The following LTV1 variants were observed in gnomAD, a reference collection of about 807,000 sequenced individuals.
LTV1 encodes the protein LTV1 ribosome biogenesis factor.
LTV1 carries 39 observed loss-of-function variants against 59.9 expected under a neutral mutation model. The observed-to-expected ratio is 0.65, with a 90% CI of 0.50 to 0.85. The LOEUF (loss-of-function observed/expected upper bound fraction) is 0.85. Among genes scored for constraint, LTV1 ranks in the 40% least tolerant of loss-of-function variants. The pLI, the probability that LTV1 is intolerant of heterozygous loss-of-function variation, is 0.00. For missense variants in LTV1, 493 were observed against 549.1 expected (o/e 0.90, Z 1.02); for synonymous variants, 171 against 189.5 (o/e 0.90, Z 0.80).
intron 3 of LTV1, among the ~76,000 whole-genome samples, chr6:143,848,891 G>A (rs1392325245): frequency 6.6e-6 from 1 of 152,180 alleles, no homozygotes; most frequent in Non-Finnish European, 1.5e-5. Context: ...GTGGTTCCGT[G>A]TCAGGCACAT....
chr6:143,845,056 A>C (rs1776868538), intron 2 of LTV1, among the ~76,000 whole-genome samples: 1 of 152,160 alleles, frequency 6.6e-6, no homozygotes, highest in Non-Finnish European at 1.5e-5. Flanking sequence ...TATATGCTCA[A>C]ACTGTGCTTT....
rs774113447 is a variant in LTV1 at position 143,857,802 on chromosome 6, A to C, written c.590A>C (p.Lys197Thr). 4.3e-6 allele frequency: 7 copies of C among 1,613,992 alleles called. No individual in the cohort carries two copies. The East Asian group carries it at 1.6e-4, about 36-fold the overall frequency. Residue 197 changes from lysine to threonine, a missense_variant, in exon 6 of 11, where the codon AAG becomes ACG. Coordinates refer to ENST00000367576, the MANE Select transcript of LTV1 (RefSeq NM_032860.5). The surrounding 1 kb of genome is among the most constrained non-coding windows in gnomAD (Gnocchi z 5.2). ...GAGTGGGAAGATGTGGATGATGAGA[A>C]GGGAGATAGCAATGATGACTATGAC... ...DSEWEDVDDE[K>T]GDSNDDYDSA...
Position 143,844,471 on chromosome 6 carries a change from T to G in LTV1, c.4-15T>G. 6.2e-7 allele frequency: 1 copy of G among 1,612,682 alleles called. No individual in the cohort carries two copies. The highest frequency in any genetic ancestry group is 8.5e-7 in the Non-Finnish European group (1 of 1,179,284). On this transcript the variant is annotated splice_polypyrimidine_tract_variant and intron_variant, in intron 1 of 10. Transcript: ENST00000367576. ...TTCTGTTTTAATTAATTGTTGTGAT[T>G]TTGTTCCTTTGAAGCCTCACAGGAA...
At chr6:143,843,882 G>A (rs191182312) in intron 1 of LTV1, among the ~76,000 whole-genome samples, 31 of 152,336 alleles carry the variant, frequency 2.0e-4, no homozygotes, top group Admixed American at 5.2e-4. Flanking sequence ...TCTGAGAAAG[G>A]GAACTTGTGG....
chr6:143,862,838 G>C lies in LTV1; in HGVS notation c.1064-6G>C, dbSNP rs375129955. On this transcript the variant is annotated splice_polypyrimidine_tract_variant and splice_region_variant and intron_variant, in intron 8 of 10. Transcript: ENST00000367576. The surrounding 1 kb of genome is among the most constrained non-coding windows in gnomAD (Gnocchi z 4.2). ...ACTGATACATGACTTTTATTTGTTTGTTTAGGTACATACTCAAATTTATAT... is the reference window on the plus strand; with the variant it reads ...ACTGATACATGACTTTTATTTGTTTCTTTAGGTACATACTCAAATTTATAT... 2.6e-6 allele frequency: 4 copies of C among 1,535,344 alleles called. No individual in the cohort carries two copies. Among genetic ancestry groups the C allele is most frequent in the Non-Finnish European group, 1.8e-6 (2 of 1,108,788 alleles).
At chr6:143,848,110 T>A (rs1776922766) in intron 3 of LTV1, among the ~76,000 whole-genome samples, 1 of 152,210 alleles carries the variant, frequency 6.6e-6, no homozygotes, top group Admixed American at 6.5e-5. Flanking sequence ...TTTAAACTCT[T>A]AATCGTGTAT....
rs940952519 is a variant in LTV1, at chr6:143,862,482, A to T, written c.1063+239A>T. 6.6e-6 allele frequency among the ~76,000 whole-genome samples: 1 copy of T among 152,094 alleles called. No individual in the cohort carries two copies. The highest frequency in any genetic ancestry group is 1.5e-5 in the Non-Finnish European group (1 of 68,038). ...GCAACTGTAATCCCAGCTGCTCGAG[A>T]GGCTGAGGCAGGAGAATAGCTTGAA... On this transcript the variant is annotated intron_variant, in intron 8 of 10. Transcript: ENST00000367576. This position sits in a 1 kb window ranked among gnomAD's most constrained non-coding sequence, Gnocchi z 4.2.
chr6:143,861,521 C>T (rs1054745692), intron 7 of LTV1, among the ~76,000 whole-genome samples: 2 of 152,062 alleles, frequency 1.3e-5, no homozygotes, highest in Admixed American at 6.5e-5. Flanking sequence ...TTATTCCAAG[C>T]ATACGCTTTT....
intron 2 of LTV1, among the ~76,000 whole-genome samples, chr6:143,845,178 G>A (rs2128490771): frequency 6.6e-6 from 1 of 152,100 alleles, no homozygotes; most frequent in South Asian, 2.1e-4. Flanking sequence ...ACTTTGCAAG[G>A]GAGCCTGGTA....
At chr6:143,844,656 C>T (rs1378273897) in intron 2 of LTV1, 39 bp downstream of exon 2, 1 of 1,509,044 alleles carries the variant, frequency 6.6e-7, no homozygotes, top group East Asian at 2.4e-5. Context: ...TGTAGGTAGA[C>T]AATAGTTTTT....
chr6:143,850,026 T>G (rs550984414), intron 3 of LTV1, 105 bp from the exon 4 acceptor site: 1 of 802,452 alleles, frequency 1.2e-6, no homozygotes, highest in East Asian at 2.5e-5. Flanking sequence ...ATATGGTCAG[T>G]CTAAGGTTCT....
At position 143,857,368 on chromosome 6, in the gene LTV1, C is replaced by A; in HGVS notation, c.463C>A (p.Pro155Thr). ...TGATGATGATTTTGACTTTGATGAT[C>A]CAGATAATCTGCTTGAGGATGACTT... The part of the protein sequence containing the change: ...ALDDDFDFDD[P>T]DNLLEDDFIL... Residue 155 changes from proline to threonine, a missense_variant, in exon 5 of 11, where the codon CCA (proline) becomes ACA (threonine). Physicochemically the swap from Pro to Thr is conservative, Grantham distance 38. Coordinates refer to ENST00000367576, the MANE Select transcript of LTV1 (RefSeq NM_032860.5). The surrounding 1 kb of genome is among the most constrained non-coding windows in gnomAD (Gnocchi z 5.2). 1 of 1,613,922 alleles carries A rather than the reference C, an allele frequency of 6.2e-7. No individual in the cohort carries two copies. Among genetic ancestry groups the A allele is most frequent in the Non-Finnish European group, 8.5e-7 (1 of 1,179,928 alleles).
At chr6:143,856,450 G>T (rs116038550) in intron 4 of LTV1, among the ~76,000 whole-genome samples, 1 of 152,078 alleles carries the variant, frequency 6.6e-6, no homozygotes, top group Non-Finnish European at 1.5e-5. Flanking sequence ...TTCATCAAAC[G>T]CATTCTCCGT....
At chr6:143,859,092 T>C (rs1385631231) in intron 6 of LTV1, among the ~76,000 whole-genome samples, 1 of 152,206 alleles carries the variant, frequency 6.6e-6, no homozygotes, top group African/African-American at 2.4e-5. Flanking sequence ...TTCTGAAGTA[T>C]TGGCCTGATT....
Position 143,857,922 on chromosome 6 carries a change from A to T in LTV1, c.710A>T (p.Lys237Met). The change falls in exon 6 of 11, where the codon AAG (lysine) becomes ATG (methionine). Residue 237 changes from lysine to methionine, a missense_variant. By Grantham distance (95) the Lys-to-Met change is moderately conservative. Coordinates refer to ENST00000367576, the MANE Select transcript of LTV1 (RefSeq NM_032860.5). This position sits in a 1 kb window ranked among gnomAD's most constrained non-coding sequence, Gnocchi z 5.2. ...ADHLFWSEETKSRFTEYSMTS... is the reference protein window; with the variant it reads ...ADHLFWSEETMSRFTEYSMTS... ...CACTTGTTCTGGAGTGAGGAAACAA[A>T]GAGTCGCTTCACGGAGTATTCGATG... 1 of 1,614,204 alleles carries T rather than the reference A, an allele frequency of 6.2e-7. No homozygotes were observed. The highest frequency in any genetic ancestry group is 1.3e-5 in the African/African-American group (1 of 75,064).
intron 3 of LTV1, among the ~76,000 whole-genome samples, 187 bp downstream of exon 3, chr6:143,846,411 G>A (rs1225615066): frequency 6.6e-6 from 1 of 152,208 alleles, no homozygotes; most frequent in African/African-American, 2.4e-5. Flanking sequence ...GTCTTCTCTG[G>A]TGGCAGGTGT....
intron 7 of LTV1, among the ~76,000 whole-genome samples, 153 bp downstream of exon 7, chr6:143,860,706 A>C (rs1442439405): frequency 6.6e-6 from 1 of 151,948 alleles, no homozygotes; most frequent in Admixed American, 6.6e-5. Flanking sequence ...GAAAAGGGGA[A>C]AAAAAAAGAT....
chr6:143,845,482 C>T (rs1776876394), intron 2 of LTV1, among the ~76,000 whole-genome samples: 1 of 152,140 alleles, frequency 6.6e-6, no homozygotes, highest in Non-Finnish European at 1.5e-5. Flanking sequence ...CTCAAGCGAT[C>T]CTCCCACCTT....
At chr6:143,852,773 A>G (rs868469840) in intron 4 of LTV1, among the ~76,000 whole-genome samples, 22 of 152,328 alleles carry the variant, frequency 1.4e-4, no homozygotes, top group African/African-American at 5.1e-4. Context: ...GTCCAATTTC[A>G]GTTTTCTGCA....
Sources: allele counts gnomAD v4.1 joint callset (sites outside exome capture counted in the v4.1 genomes callset), GRCh38; gene constraint gnomAD v4.1.1; non-coding constraint Gnocchi (gnomAD v3.1); transcripts MANE v1.5; gene names NCBI Gene and HGNC (gene_info 2026-07-23, HGNC 2026-07-21).